Variants in ADAMTS17 observed in about 807,000 individuals in gnomAD.
ADAMTS17 encodes A disintegrin and metalloproteinase with thrombospondin motifs 17.
ADAMTS17 carries 113 observed loss-of-function variants against 141.5 expected under a neutral mutation model. That is an observed-to-expected ratio of 0.80 (90% CI 0.69 to 0.93). The LOEUF (loss-of-function observed/expected upper bound fraction) is 0.93. Ranked by LOEUF, ADAMTS17 falls within the 40% of genes least tolerant of loss-of-function variation. ADAMTS17 has a pLI of 0.00. For missense variants in ADAMTS17, 1,659 were observed against 1,517.9 expected (o/e 1.09, Z -1.54); for synonymous variants, 768 against 630.6 (o/e 1.22, Z -3.27).
chr15:100,049,331 T>C (rs1014483431), intron 17 of ADAMTS17, among the ~76,000 whole-genome samples: 1 of 152,226 alleles, frequency 6.6e-6, no homozygotes, highest in Non-Finnish European at 1.5e-5. Context: ...GCTTGTTTGA[T>C]GTTTAAAGTC....
At chr15:100,120,543 C>A (rs986764254) in intron 12 of ADAMTS17, among the ~76,000 whole-genome samples, 8 of 152,116 alleles carry the variant, frequency 5.3e-5, no homozygotes, top group Non-Finnish European at 1.0e-4. Flanking sequence ...CTCCTTTTTT[C>A]TTTTAGGAGC....
At chr15:100,022,222 C>G (rs1267163101) in intron 18 of ADAMTS17, among the ~76,000 whole-genome samples, 1 of 152,160 alleles carries the variant, frequency 6.6e-6, no homozygotes, top group African/African-American at 2.4e-5. Flanking sequence ...TGGATGGATG[C>G]AGGCCCCCAG....
chr15:100,182,522 C>T (rs1207370465), intron 8 of ADAMTS17, among the ~76,000 whole-genome samples: 1 of 152,184 alleles, frequency 6.6e-6, no homozygotes, highest in Non-Finnish European at 1.5e-5. Context: ...CTGTGCTACA[C>T]TGTGGCTGCT....
intron 18 of ADAMTS17, among the ~76,000 whole-genome samples, chr15:100,018,277 T>G (rs1315523067): frequency 6.6e-6 from 1 of 152,168 alleles, no homozygotes; most frequent in African/African-American, 2.4e-5. Context: ...ACAAATCAAC[T>G]AAGAGAAGAC....
At chr15:100,301,272 A>T (rs1284557643) in intron 3 of ADAMTS17, among the ~76,000 whole-genome samples, 6 of 151,668 alleles carry the variant, frequency 4.0e-5, no homozygotes, top group Non-Finnish European at 2.9e-5. Flanking sequence ...ATAATGGTTG[A>T]TCTTCTGTCA....
At chr15:100,070,050 T>C (rs902934519) in intron 15 of ADAMTS17, among the ~76,000 whole-genome samples, 1 of 149,914 alleles carries the variant, frequency 6.7e-6, no homozygotes, top group Admixed American at 6.7e-5. Context: ...TGGAGGAAGA[T>C]CTACCAAGCA....
chr15:100,133,901 A>AC (rs2038187377), intron 10 of ADAMTS17, among the ~76,000 whole-genome samples: 1 of 29,920 alleles, frequency 3.3e-5, no homozygotes, highest in South Asian at 1.6e-3. Flanking sequence ...GCTGTGCACA[A>AC]TTTTTTATAG....
chr15:100,282,246 T>C (rs1485964324), intron 3 of ADAMTS17, among the ~76,000 whole-genome samples: 2 of 152,350 alleles, frequency 1.3e-5, no homozygotes, highest in East Asian at 3.9e-4. Context: ...ATTTCCATGT[T>C]AGCACTAGCC....
chr15:100,061,898 G>C (rs1226869703), intron 15 of ADAMTS17, among the ~76,000 whole-genome samples: 1 of 152,254 alleles, frequency 6.6e-6, no homozygotes, highest in African/African-American at 2.4e-5. Context: ...TCAAATGCAT[G>C]GGTTGGGAAG....
At chr15:100,093,436 T>C (rs2035585260) in intron 15 of ADAMTS17, among the ~76,000 whole-genome samples, 1 of 152,134 alleles carries the variant, frequency 6.6e-6, no homozygotes, top group Non-Finnish European at 1.5e-5. Flanking sequence ...CCTTCCCTCA[T>C]TCTTTAGGGG....
intron 2 of ADAMTS17, among the ~76,000 whole-genome samples, chr15:100,334,580 T>TC: frequency 6.6e-6 from 1 of 152,104 alleles, no homozygotes; most frequent in South Asian, 2.1e-4. Flanking sequence ...CTTTCGATCC[T>TC]CCCGTCCTGC....
chr15:100,203,612 G>A (rs1312901318), intron 7 of ADAMTS17, among the ~76,000 whole-genome samples: 1 of 152,216 alleles, frequency 6.6e-6, no homozygotes, highest in Admixed American at 6.5e-5. Flanking sequence ...GACTGAGGCA[G>A]GAGAATGGCA....
intron 7 of ADAMTS17, among the ~76,000 whole-genome samples, chr15:100,250,805 T>C (rs1249702149): frequency 6.6e-6 from 1 of 152,186 alleles, no homozygotes; most frequent in African/African-American, 2.4e-5. Context: ...ATGTCAGATG[T>C]TACCACTGGA....
intron 14 of ADAMTS17, among the ~76,000 whole-genome samples, chr15:100,101,649 T>C (rs1274748021): frequency 5.3e-5 from 8 of 152,336 alleles, no homozygotes; most frequent in African/African-American, 1.9e-4. Context: ...ACACAGTGGC[T>C]GGTGTGGTAT....
At chr15:100,306,587 G>C (rs976618156) in intron 3 of ADAMTS17, 15 of 455,882 alleles carry the variant, frequency 3.3e-5, no homozygotes, top group African/African-American at 3.0e-4. Flanking sequence ...ACTGAGAAAA[G>C]CTATGTCCAC....
intron 6 of ADAMTS17, among the ~76,000 whole-genome samples, chr15:100,260,071 C>T (rs2043463104): frequency 6.6e-6 from 1 of 152,020 alleles, no homozygotes; most frequent in South Asian, 2.1e-4. Context: ...TCTCGAACTC[C>T]TGACCTCAGG....
intron 4 of ADAMTS17, among the ~76,000 whole-genome samples, chr15:100,268,653 T>A (rs2043802086): frequency 1.3e-5 from 2 of 152,220 alleles, no homozygotes; most frequent in African/African-American, 4.8e-5. Context: ...TTTTGCACTG[T>A]TTAAATTCCT....
intron 15 of ADAMTS17, among the ~76,000 whole-genome samples, chr15:100,095,189 T>A (rs1000372199): frequency 6.6e-6 from 1 of 152,210 alleles, no homozygotes; most frequent in African/African-American, 2.4e-5. Flanking sequence ...AGGAGCCACG[T>A]GGCAGGCACA....
intron 7 of ADAMTS17, among the ~76,000 whole-genome samples, chr15:100,252,446 C>A (rs922764105): frequency 6.6e-6 from 1 of 152,182 alleles, no homozygotes; most frequent in Admixed American, 6.5e-5. Context: ...TACAGGCAAG[C>A]GCCACACGAT....
Sources: allele counts gnomAD v4.1 joint callset (sites outside exome capture counted in the v4.1 genomes callset), GRCh38; gene constraint gnomAD v4.1.1; transcripts MANE v1.5; gene names NCBI Gene and HGNC (gene_info 2026-07-23, HGNC 2026-07-21).